The following BRAF variants were observed in gnomAD, a reference collection of about 807,000 sequenced individuals.
BRAF encodes B-Raf proto-oncogene, serine/threonine kinase.
In BRAF, 16 loss-of-function variants were observed where a neutral mutation model predicts 104.6. The observed-to-expected ratio is 0.15, with a 90% CI of 0.10 to 0.23. The LOEUF (loss-of-function observed/expected upper bound fraction) is 0.23, where lower values mean the gene tolerates loss of function less well. Among genes scored for constraint, BRAF ranks in the 10% least tolerant of loss-of-function variants. The pLI, the probability that BRAF is intolerant of heterozygous loss-of-function variation, is 1.00. For missense variants in BRAF, 541 were observed against 937.3 expected (o/e 0.58, Z 5.52); for synonymous variants, 310 against 341.6 (o/e 0.91, Z 1.02).
At chr7:140,878,855 T>C (rs1401997696) in intron 1 of BRAF, among the ~76,000 whole-genome samples, 1 of 152,026 alleles carries the variant, frequency 6.6e-6, no homozygotes, top group East Asian at 1.9e-4. Context: ...ACCCCAGAAA[T>C]ATATATAATC....
At chr7:140,759,758 A>C (rs1467056286) in intron 14 of BRAF, among the ~76,000 whole-genome samples, 3 of 152,234 alleles carry the variant, frequency 2.0e-5, no homozygotes, top group Non-Finnish European at 4.4e-5. Context: ...CCAGCTGAGG[A>C]GTAGACAGTG....
Position 140,814,824 on chromosome 7 carries a change from A to T in BRAF, c.505-5829T>A, listed in dbSNP as rs574843143. On this transcript the variant is annotated intron_variant, in intron 3 of 19. Transcript: ENST00000644969. ...ATATTATATATAACATATATAATTT[A>T]TATATATTATATATATAAAAGTTTC... Among the ~76,000 whole-genome samples, 946 of 146,222 alleles carry T rather than the reference A, an allele frequency of 6.5e-3. 14 individuals carry two copies. Among genetic ancestry groups the T allele is most frequent in the African/African-American group, 0.022 (896 of 40,198 alleles).
intron 3 of BRAF, chr7:140,823,490 A>G (rs1329896666): frequency 1.6e-5 from 2 of 129,016 alleles, no homozygotes; most frequent in African/African-American, 8.9e-5. Flanking sequence ...AGTATGTGTT[A>G]GAATGTCCTA....
intron 2 of BRAF, among the ~76,000 whole-genome samples, chr7:140,844,600 C>A (rs1249658482): frequency 1.3e-5 from 2 of 152,164 alleles, no homozygotes; most frequent in Non-Finnish European, 2.9e-5. Context: ...ATCCTGATGA[C>A]CTACTTGTAG....
rs576290967 is a variant in BRAF at position 140,832,141 on chromosome 7, T to G, written c.504+2468A>C. ...TATCTTTACTATCATTTCAATGAAA[T>G]TTCTGGAAAGGAACAAAGATATAAA... On this transcript the variant is annotated intron_variant, in intron 3 of 19. Coordinates refer to ENST00000644969, the MANE Select transcript of BRAF (RefSeq NM_001374258.1). 2.0e-3 allele frequency among the ~76,000 whole-genome samples: 304 copies of G among 152,340 alleles called. 1 individual carries two copies. Among genetic ancestry groups the G allele is most frequent in the Non-Finnish European group, 3.4e-3 (229 of 68,024 alleles).
intron 14 of BRAF, among the ~76,000 whole-genome samples, chr7:140,768,649 A>G (rs898963647): frequency 2.6e-5 from 4 of 152,066 alleles, no homozygotes; most frequent in Admixed American, 6.5e-5. Context: ...GTGTGCTACC[A>G]TGCTTGGCTA....
chr7:140,798,263 T>TTTTTTTTCC (rs1184848503), intron 7 of BRAF, among the ~76,000 whole-genome samples: 1 of 43,420 alleles, frequency 2.3e-5, no homozygotes. Flanking sequence ...GTATGGGGAC[T>TTTTTTTTCC]TTTTTTTTCT....
intron 17 of BRAF, among the ~76,000 whole-genome samples, chr7:140,742,953 C>A (rs1027439358): frequency 2.0e-5 from 3 of 151,914 alleles, no homozygotes; most frequent in Non-Finnish European, 4.4e-5. Context: ...ATTTATGCAG[C>A]CAAAAAACAC....
intron 1 of BRAF, among the ~76,000 whole-genome samples, chr7:140,889,520 A>G (rs1190733809): frequency 6.6e-6 from 1 of 152,170 alleles, no homozygotes; most frequent in Non-Finnish European, 1.5e-5. Flanking sequence ...TTTATGATAG[A>G]GAACAAAATT....
At chr7:140,900,638 T>C (rs1366164265) in intron 1 of BRAF, among the ~76,000 whole-genome samples, 2 of 152,208 alleles carry the variant, frequency 1.3e-5, no homozygotes, top group Non-Finnish European at 2.9e-5. Flanking sequence ...TAAGACTGAG[T>C]CTTGCTCTGT....
At chr7:140,888,652 G>A (rs982702234) in intron 1 of BRAF, among the ~76,000 whole-genome samples, 19 of 151,960 alleles carry the variant, frequency 1.3e-4, no homozygotes, top group Admixed American at 9.2e-4. Flanking sequence ...CCTGACCAAC[G>A]TGGAGAAACC....
chr7:140,802,181 A>G (rs1044971187), intron 5 of BRAF, among the ~76,000 whole-genome samples: 11 of 152,118 alleles, frequency 7.2e-5, no homozygotes, highest in African/African-American at 2.4e-4. Flanking sequence ...CATGGACTTC[A>G]TACCACAGTG....
intron 14 of BRAF, among the ~76,000 whole-genome samples, chr7:140,763,861 C>T (rs1452692826): frequency 6.6e-6 from 1 of 152,176 alleles, no homozygotes; most frequent in East Asian, 1.9e-4. Context: ...TGAATTCTAC[C>T]AGAGATACAA....
chr7:140,889,514 T>C (rs990066611), intron 1 of BRAF, among the ~76,000 whole-genome samples: 1 of 152,112 alleles, frequency 6.6e-6, no homozygotes, highest in Non-Finnish European at 1.5e-5. Context: ...ATTTTTTTTA[T>C]GATAGAGAAC....
At chr7:140,921,760 CTTT>C (rs199862544) in intron 1 of BRAF, among the ~76,000 whole-genome samples, 1 of 148,530 alleles carries the variant, frequency 6.7e-6, no homozygotes, top group Non-Finnish European at 1.5e-5. Flanking sequence ...TGAAATCAGA[CTTT>C]TTTTTTAGAT....
chr7:140,874,289 A>G (rs1811947901), intron 1 of BRAF, among the ~76,000 whole-genome samples: 1 of 150,852 alleles, frequency 6.6e-6, no homozygotes, highest in African/African-American at 2.4e-5. Flanking sequence ...GCAACCTCCA[A>G]CTCCCTGATT....
intron 19 of BRAF, chr7:140,732,254 T>A (rs1585922456): frequency 7.4e-6 from 1 of 134,764 alleles, no homozygotes; most frequent in Non-Finnish European, 1.6e-5. Context: ...AGGGCTCAGG[T>A]TTTAGGAAAA....
intron 9 of BRAF, among the ~76,000 whole-genome samples, chr7:140,786,429 T>C (rs1801364017): frequency 6.6e-6 from 1 of 152,222 alleles, no homozygotes; most frequent in Non-Finnish European, 1.5e-5. Flanking sequence ...TCTTCCTTAC[T>C]AGGCAGAAGA....
In BRAF at chr7:140,719,894, C is replaced by A. The variant is rs377712632; in HGVS notation, c.*6600G>T. The A allele has an allele frequency of 1.7e-5, 18 of 1,062,470 alleles. No individual in the cohort carries two copies. In the East Asian group the frequency reaches 8.6e-4, roughly 51 times the overall value. The allele number at this position is 1,062,470 out of a possible 1,614,324, so 65.8% of individuals were successfully genotyped here. A position where few individuals can be genotyped will look rare whatever the true frequency, so the allele number is the denominator to read the frequency against. On this transcript the variant is annotated 3_prime_UTR_variant, in exon 20 of 20. Transcript: ENST00000644969. ...ACTAAACCCGAACCTTTGGCAGTAA[C>A]AGAAAAGAGGAATGTGTGTGTGAGT... is the stretch of plus-strand genomic sequence containing the variant.
Sources: gnomAD v4.1 joint callset for allele counts (sites outside exome capture counted in the v4.1 genomes callset) on GRCh38, gnomAD v4.1.1 for gene constraint, MANE v1.5 for transcripts, NCBI Gene and HGNC (gene_info 2026-07-23, HGNC 2026-07-21) for gene names.